WWOX: variants seen among roughly 807,000 people sequenced by gnomAD.
WWOX encodes WW domain-containing oxidoreductase.
Under a neutral mutation model 46.2 loss-of-function variants are expected in WWOX, and 69 were observed. The observed-to-expected ratio is 1.49, with a 90% confidence interval of 1.23 to 1.82. WWOX has a LOEUF of 1.82. WWOX is among the 40% of genes most tolerant of loss of function. WWOX has a pLI of 0.00. For synonymous variants in WWOX, 359 were observed against 202.6 expected, an observed-to-expected ratio of 1.77 and a Z score of -6.56; for missense variants, 919 against 542.6, an observed-to-expected ratio of 1.69 and a Z score of -6.89.
At chr16:79,013,485 C>G (rs550482671) in intron 8 of WWOX, among the ~76,000 whole-genome samples, 2 of 152,266 alleles carry the variant, frequency 1.3e-5, no homozygotes, top group East Asian at 1.9e-4. Context: ...GAGTAAAACG[C>G]ATGTCCCCCC....
chr16:78,766,541 T>C lies in WWOX; in HGVS notation c.1056+333789T>C, dbSNP rs74566296. ...AGGTGGAGGCTGAAGTGAGCTGTGA[T>C]TGTGCTGTTGCACTCCAGCCTGGGC... On this transcript the variant is annotated intron_variant, in intron 8 of 8. Coordinates refer to ENST00000566780, the MANE Select transcript of WWOX (RefSeq NM_016373.4). Among the ~76,000 whole-genome samples the C allele has an allele frequency of 1.1e-3, 168 of 152,298 alleles. 2 individuals carry two copies. The East Asian group carries it at 0.016, about 14-fold the overall frequency.
intron 4 of WWOX, among the ~76,000 whole-genome samples, chr16:78,135,973 T>C (rs2033776834): frequency 6.6e-6 from 1 of 152,190 alleles, no homozygotes; most frequent in African/African-American, 2.4e-5. Flanking sequence ...GATAACTATA[T>C]ATAAAATTAT....
At chr16:78,686,627 T>C (rs2047867440) in intron 8 of WWOX, among the ~76,000 whole-genome samples, 1 of 152,214 alleles carries the variant, frequency 6.6e-6, no homozygotes, top group African/African-American at 2.4e-5. Context: ...GAGGAACTCC[T>C]GTTTTAATTT....
chr16:78,956,910 T>G (rs575921384), intron 8 of WWOX, among the ~76,000 whole-genome samples: 1 of 152,212 alleles, frequency 6.6e-6, no homozygotes, highest in Non-Finnish European at 1.5e-5. Context: ...TAGGATGTTT[T>G]GTAAAGAAAG....
chr16:78,310,899 T>C (rs2080229219), intron 5 of WWOX, among the ~76,000 whole-genome samples: 1 of 152,168 alleles, frequency 6.6e-6, no homozygotes, highest in Non-Finnish European at 1.5e-5. Context: ...GCACCCTTGT[T>C]GTCACGATGT....
chr16:78,830,644 T>C (rs1172122197), intron 8 of WWOX, among the ~76,000 whole-genome samples: 4 of 151,844 alleles, frequency 2.6e-5, no homozygotes, highest in African/African-American at 9.7e-5. Flanking sequence ...ACCTCTATTT[T>C]CCTAACAAAA....
chr16:78,803,065 T>C (rs2050938064), intron 8 of WWOX, among the ~76,000 whole-genome samples: 1 of 150,656 alleles, frequency 6.6e-6, no homozygotes, highest in Non-Finnish European at 1.5e-5. Context: ...ATCTAGTAGG[T>C]GCTTTATTTT....
intron 5 of WWOX, among the ~76,000 whole-genome samples, chr16:78,246,606 A>T (rs2037823430): frequency 6.6e-6 from 1 of 152,206 alleles, no homozygotes; most frequent in Non-Finnish European, 1.5e-5. Flanking sequence ...CAAGTTGGTG[A>T]AGCAGAGTCA....
At chr16:79,151,204 G>A (rs546366895) in intron 8 of WWOX, among the ~76,000 whole-genome samples, 4 of 152,258 alleles carry the variant, frequency 2.6e-5, no homozygotes, top group African/African-American at 9.6e-5. Context: ...CTCTTAAACA[G>A]CCAGCTATTC....
chr16:78,853,100 A>C (rs1023547102), intron 8 of WWOX, among the ~76,000 whole-genome samples: 1 of 152,212 alleles, frequency 6.6e-6, no homozygotes, highest in South Asian at 2.1e-4. Flanking sequence ...TAATGTCTGT[A>C]AGGTGTTTAA....
In WWOX at chr16:79,068,465, C is replaced by T. The variant is rs570748079; in HGVS notation, c.1057-143143C>T. Reference sequence around the variant, plus strand: ...TCCTGAATGCACAATCATATGTTCACGTGCCACATGGTTTTCAGAAAGCAC... The same window carrying T: ...TCCTGAATGCACAATCATATGTTCATGTGCCACATGGTTTTCAGAAAGCAC... On this transcript the variant is annotated intron_variant, in intron 8 of 8. Coordinates refer to ENST00000566780, the MANE Select transcript of WWOX (RefSeq NM_016373.4). Among the ~76,000 whole-genome samples the T allele has an allele frequency of 7.2e-5, 11 of 152,152 alleles. No individual in the cohort carries two copies. In the East Asian group the frequency reaches 7.7e-4, roughly 11 times the overall value.
intron 8 of WWOX, among the ~76,000 whole-genome samples, chr16:78,712,304 C>T (rs1404920888): frequency 6.6e-6 from 1 of 152,038 alleles, no homozygotes; most frequent in African/African-American, 2.4e-5. Context: ...GAGATCGAAA[C>T]CATCCTGGCC....
At chr16:78,401,426 A>C (rs879769804) in intron 6 of WWOX, among the ~76,000 whole-genome samples, 3 of 152,216 alleles carry the variant, frequency 2.0e-5, no homozygotes, top group Non-Finnish European at 4.4e-5. Context: ...TTGGTCTAGA[A>C]CTATGTAGCT....
chr16:78,689,434 C>A (rs183403754), intron 8 of WWOX, among the ~76,000 whole-genome samples: 68 of 152,328 alleles, frequency 4.5e-4, no homozygotes, highest in African/African-American at 1.6e-3. Context: ...GGCAAAGAAT[C>A]CTTGACCAAA....
At chr16:79,180,724 T>G (rs1463800904) in intron 8 of WWOX, among the ~76,000 whole-genome samples, 1 of 149,784 alleles carries the variant, frequency 6.7e-6, no homozygotes, top group East Asian at 1.9e-4. Flanking sequence ...CTTGTCTCCC[T>G]GTCTATCTGT....
rs78919010 is a variant in WWOX, at chr16:78,562,383, G to A, written c.1056+129631G>A. Among the ~76,000 whole-genome samples, 43 of 152,272 alleles carry A rather than the reference G, an allele frequency of 2.8e-4. No individual in the cohort carries two copies. The East Asian group carries it at 7.5e-3, about 27-fold the overall frequency. On this transcript the variant is annotated intron_variant, in intron 8 of 8. Transcript: ENST00000566780. Reference sequence around the variant, plus strand: ...TACTATACGATCTAGTGTTTTCGTTGCTTACAAGTTAGATTCACACTCCAG... The same window carrying A: ...TACTATACGATCTAGTGTTTTCGTTACTTACAAGTTAGATTCACACTCCAG...
At chr16:78,356,080 AAAAAAAAAAAAAAG>A (rs1597088898) in intron 5 of WWOX, among the ~76,000 whole-genome samples, 1 of 77,330 alleles carries the variant, frequency 1.3e-5, no homozygotes, top group East Asian at 2.1e-4. Flanking sequence ...CTAAAAAAAA[AAAAAAAAAAAAAAG>A]AAGAATCGAT....
chr16:78,986,350 T>C (rs915911965), intron 8 of WWOX, among the ~76,000 whole-genome samples: 1 of 152,226 alleles, frequency 6.6e-6, no homozygotes, highest in Non-Finnish European at 1.5e-5. Flanking sequence ...CAGAGCTTTA[T>C]GAAGGCATAT....
chr16:79,015,895 C>T (rs537006045), intron 8 of WWOX, among the ~76,000 whole-genome samples: 30 of 152,140 alleles, frequency 2.0e-4, no homozygotes, highest in Non-Finnish European at 3.7e-4. Flanking sequence ...GGTACTAAGG[C>T]ATGTGCCACC....
Sources: allele counts gnomAD v4.1 joint callset (sites outside exome capture counted in the v4.1 genomes callset), GRCh38; gene constraint gnomAD v4.1.1; transcripts MANE v1.5; gene names NCBI Gene and HGNC (gene_info 2026-07-23, HGNC 2026-07-21).